SLC22A25: variants seen among roughly 807,000 people sequenced by gnomAD.
The protein encoded by SLC22A25 is solute carrier family 22 member 25.
In SLC22A25, 44 loss-of-function variants were observed where a neutral mutation model predicts 45.9. That is an observed-to-expected ratio of 0.96 (90% CI 0.75 to 1.23). The LOEUF is 1.23. SLC22A25 is among the 50% of genes most tolerant of loss of function. The pLI, the probability that SLC22A25 is intolerant of heterozygous loss-of-function variation, is 0.00. For synonymous variants in SLC22A25, 283 were observed against 238.6 expected, an observed-to-expected ratio of 1.19 and a Z score of -1.72; for missense variants, 800 against 666.4, an observed-to-expected ratio of 1.20 and a Z score of -2.21.
At chr11:63,220,018 T>C in intron 5 of SLC22A25, 1 of 1,289,036 alleles carries the variant, frequency 7.8e-7, no homozygotes. Flanking sequence ...ATGATAATGG[T>C]TTCCTGCCAT....
intron 7 of SLC22A25, among the ~76,000 whole-genome samples, chr11:63,195,665 A>G (rs2088997411): frequency 1.3e-5 from 2 of 152,294 alleles, no homozygotes; most frequent in South Asian, 4.1e-4. Flanking sequence ...AAGATCCAAA[A>G]TTGACACCCT....
intron 7 of SLC22A25, among the ~76,000 whole-genome samples, chr11:63,201,554 C>G (rs1300466992): frequency 6.6e-6 from 1 of 151,932 alleles, no homozygotes; most frequent in Non-Finnish European, 1.5e-5. Context: ...CTATAAAAAC[C>G]CTGGAAGACA....
chr11:63,164,175 G>A (rs1049799334), intron 11 of SLC22A25, 102 bp from the exon 12 acceptor site: 5 of 1,419,644 alleles, frequency 3.5e-6, no homozygotes, highest in Non-Finnish European at 4.8e-6. Context: ...TTAAACACAT[G>A]GAGGTGATAA....
At chr11:63,219,927 G>A in intron 5 of SLC22A25, 1 of 1,289,070 alleles carries the variant, frequency 7.8e-7, no homozygotes, top group South Asian at 1.2e-5. Flanking sequence ...TTTCAGGAGA[G>A]ATACCAGAAG....
chr11:63,182,355 ACTT>A (rs2088359770), intron 8 of SLC22A25, among the ~76,000 whole-genome samples: 1 of 151,904 alleles, frequency 6.6e-6, no homozygotes, highest in Non-Finnish European at 1.5e-5. Flanking sequence ...ATCTCCCTGA[ACTT>A]CTGTAAGAGT....
At chr11:63,218,515 TAAA>T (rs1048706525) in intron 5 of SLC22A25, among the ~76,000 whole-genome samples, 6 of 152,066 alleles carry the variant, frequency 3.9e-5, no homozygotes, top group African/African-American at 1.4e-4. Context: ...AAGTTGAAAT[TAAA>T]AAAAGAGAAA....
In SLC22A25 at chr11:63,183,681, C is replaced by G; in HGVS notation, c.954+13G>C. Reference sequence around the variant, plus strand: ...CTTCCCAGCATCCCATATCCAGCTCCCGTCTTGCTTACCTCCATGGTTAGG... The same window carrying G: ...CTTCCCAGCATCCCATATCCAGCTCGCGTCTTGCTTACCTCCATGGTTAGG... On this transcript the variant is annotated intron_variant, in intron 8 of 11. Transcript: ENST00000306494. The G allele has an allele frequency of 1.2e-6, 2 of 1,612,440 alleles. No homozygotes were observed. Among genetic ancestry groups the G allele is most frequent in the Non-Finnish European group, 1.7e-6 (2 of 1,178,892 alleles).
intron 7 of SLC22A25, among the ~76,000 whole-genome samples, chr11:63,187,922 T>A (rs144984365): frequency 6.6e-6 from 1 of 152,212 alleles, no homozygotes; most frequent in African/African-American, 2.4e-5. Flanking sequence ...ATAAGCTTTT[T>A]GATGTGTTGC....
chr11:63,228,700 T>C (rs2090011359), intron 4 of SLC22A25, 136 bp from the exon 5 acceptor site: 1 of 629,048 alleles, frequency 1.6e-6, no homozygotes. Context: ...TGATATTCAC[T>C]GTTCAGGTCT....
intron 7 of SLC22A25, among the ~76,000 whole-genome samples, chr11:63,208,948 A>G (rs929208523): frequency 6.6e-6 from 1 of 152,152 alleles, no homozygotes; most frequent in African/African-American, 2.4e-5. Flanking sequence ...AATGGGAGGG[A>G]AAGTGTCAAA....
At chr11:63,198,403 A>T (rs923863486) in intron 7 of SLC22A25, among the ~76,000 whole-genome samples, 1 of 152,032 alleles carries the variant, frequency 6.6e-6, no homozygotes, top group Non-Finnish European at 1.5e-5. Context: ...CATAAGGATG[A>T]CTTCATATCC....
At chr11:63,179,053 G>A (rs113882080) in intron 9 of SLC22A25, among the ~76,000 whole-genome samples, 2,802 of 151,746 alleles carry the variant, frequency 0.018, 75 homozygotes, top group African/African-American at 0.052. Flanking sequence ...CCTCCACTTC[G>A]TGGGTTGAAG....
intron 7 of SLC22A25, among the ~76,000 whole-genome samples, chr11:63,204,735 A>C (rs1333634843): frequency 6.6e-6 from 1 of 152,180 alleles, no homozygotes; most frequent in Admixed American, 6.5e-5. Context: ...CCCCACTGTC[A>C]ATATTAGATA....
At chr11:63,208,814 C>CAGCTTCATGGCT (rs2089479420) in intron 7 of SLC22A25, among the ~76,000 whole-genome samples, 1 of 151,864 alleles carries the variant, frequency 6.6e-6, no homozygotes, top group Non-Finnish European at 1.5e-5. Flanking sequence ...GCTTCATGGC[C>CAGCTTCATGGCT]AGCTTCATGG....
At chr11:63,171,150 T>G (rs1590782996) in intron 9 of SLC22A25, among the ~76,000 whole-genome samples, 1 of 152,172 alleles carries the variant, frequency 6.6e-6, no homozygotes, top group South Asian at 2.1e-4. Context: ...TAGGTATAGA[T>G]GGAACATATC....
intron 3 of SLC22A25, among the ~76,000 whole-genome samples, chr11:63,231,290 T>C (rs549410711): frequency 1.3e-4 from 20 of 152,252 alleles, no homozygotes; most frequent in African/African-American, 3.1e-4. Context: ...GTTCCTATTT[T>C]TCCACATCCT....
At chr11:63,177,887 A>ATATATATATATAATGTATATATATAT (rs1565070878) in intron 9 of SLC22A25, among the ~76,000 whole-genome samples, 1 of 86,618 alleles carries the variant, frequency 1.2e-5, no homozygotes, top group Non-Finnish European at 2.4e-5. Context: ...TATATATATA[A>ATATATATATATAATGTATATATATAT]TATATATATA....
rs896548458 is a variant in SLC22A25, at chr11:63,190,927, C to T, written c.831-7110G>A. On this transcript the variant is annotated intron_variant, in intron 7 of 11. Coordinates refer to ENST00000306494, the MANE Select transcript of SLC22A25 (RefSeq NM_199352.6). ...CTGGAAGTTTTGTCTCAGAGGAGTA[C>T]CCAGCCGTGTGAGGTGTCAGTCTGC... 1.5e-4 allele frequency among the ~76,000 whole-genome samples: 23 copies of T among 152,256 alleles called. No homozygotes were observed. The South Asian group carries it at 4.6e-3, about 30-fold the overall frequency.
intron 7 of SLC22A25, among the ~76,000 whole-genome samples, chr11:63,210,835 T>C (rs1041371730): frequency 6.6e-6 from 1 of 152,174 alleles, no homozygotes; most frequent in African/African-American, 2.4e-5. Flanking sequence ...GGATGTGTTA[T>C]TGGGGCACAA....
Sources: gnomAD v4.1 joint callset for allele counts (sites outside exome capture counted in the v4.1 genomes callset) on GRCh38, gnomAD v4.1.1 for gene constraint, MANE v1.5 for transcripts, NCBI Gene and HGNC (gene_info 2026-07-23, HGNC 2026-07-21) for gene names.